Variants in CDKAL1 observed in about 807,000 individuals in gnomAD.
The protein encoded by CDKAL1 is CDKAL1 threonylcarbamoyladenosine tRNA methylthiotransferase.
In CDKAL1, 32 loss-of-function variants were observed where a neutral mutation model predicts 68.2. That is an observed-to-expected ratio of 0.47 (90% CI 0.35 to 0.63). The LOEUF (loss-of-function observed/expected upper bound fraction) is 0.63. Among genes scored for constraint, CDKAL1 ranks in the 30% least tolerant of loss-of-function variants. The pLI, the probability that CDKAL1 is intolerant of heterozygous loss-of-function variation, is 0.00. For synonymous variants in CDKAL1, 234 were observed against 244.3 expected, an observed-to-expected ratio of 0.96 and a Z score of 0.39; for missense variants, 606 against 696.7, an observed-to-expected ratio of 0.87 and a Z score of 1.47.
chr6:21,027,598 G>A (rs996946774), intron 11 of CDKAL1, among the ~76,000 whole-genome samples: 2 of 152,184 alleles, frequency 1.3e-5, no homozygotes, highest in African/African-American at 4.8e-5. Flanking sequence ...GAATGGGTTA[G>A]TTATCATGGG....
intron 10 of CDKAL1, among the ~76,000 whole-genome samples, chr6:20,984,813 G>A (rs113985703): frequency 9.1e-5 from 11 of 121,330 alleles, no homozygotes; most frequent in Admixed American, 3.2e-4. Context: ...CACAGTAACG[G>A]GGGGGGGTGG....
At position 21,001,854 on chromosome 6, in the gene CDKAL1, G is replaced by A. The variant is rs545798430; in HGVS notation, c.1055+1482G>A. Among the ~76,000 whole-genome samples, 4 of 152,256 alleles carry A rather than the reference G, an allele frequency of 2.6e-5. No individual in the cohort carries two copies. In the East Asian group the frequency reaches 7.7e-4, roughly 29 times the overall value. On this transcript the variant is annotated intron_variant, in intron 11 of 15. Transcript: ENST00000274695. ...ATTTCTTCCTTCTTTGCCTATTACA[G>A]CAGTAGCCAATAAAAACTTGATACT... is the stretch of plus-strand genomic sequence containing the variant.
chr6:21,011,969 T>C lies in CDKAL1; in HGVS notation c.1055+11597T>C, dbSNP rs897024278. Among the ~76,000 whole-genome samples the C allele has an allele frequency of 7.2e-5, 11 of 152,172 alleles. No homozygotes were observed. In the South Asian group the frequency reaches 1.7e-3, roughly 23 times the overall value. Reference sequence around the variant, plus strand: ...AAAAAAAAAGTTTATTTCTCAGTCATGTAAATGAAGTCCAGAGCCAGATGG... The same window carrying C: ...AAAAAAAAAGTTTATTTCTCAGTCACGTAAATGAAGTCCAGAGCCAGATGG... On this transcript the variant is annotated intron_variant, in intron 11 of 15. Transcript: ENST00000274695.
intron 10 of CDKAL1, among the ~76,000 whole-genome samples, chr6:20,960,650 A>T (rs1765008867): frequency 6.6e-6 from 1 of 152,250 alleles, no homozygotes; most frequent in Non-Finnish European, 1.5e-5. Context: ...GAATGATGTG[A>T]TAGCTCAAAG....
At chr6:20,944,540 T>A (rs1321650991) in intron 9 of CDKAL1, among the ~76,000 whole-genome samples, 2 of 152,138 alleles carry the variant, frequency 1.3e-5, no homozygotes, top group Non-Finnish European at 2.9e-5. Flanking sequence ...AGAGACAGGG[T>A]TTCCATGTTG....
intron 13 of CDKAL1, among the ~76,000 whole-genome samples, chr6:21,191,986 A>ATTTTTC (rs1778259852): frequency 1.3e-4 from 3 of 23,332 alleles, no homozygotes; most frequent in Admixed American, 9.4e-4. Context: ...TTTATAATTC[A>ATTTTTC]TTTTTCTTTT....
rs1267708684 is a variant in CDKAL1 at position 20,952,844 on chromosome 6, T to C, written c.743-2575T>C. On this transcript the variant is annotated intron_variant, in intron 9 of 15. Transcript: ENST00000274695. ...TTTCCAGGGAAAAGGATGTCAGGCA[T>C]GGGGATTCCACATTTAGCGTCACTT... 2.6e-5 allele frequency among the ~76,000 whole-genome samples: 4 copies of C among 152,374 alleles called. No individual in the cohort carries two copies. In the East Asian group the frequency reaches 5.8e-4, roughly 22 times the overall value.
intron 4 of CDKAL1, among the ~76,000 whole-genome samples, chr6:20,568,771 G>A (rs1185048900): frequency 5.5e-5 from 8 of 145,150 alleles, no homozygotes; most frequent in East Asian, 2.0e-4. Flanking sequence ...AAAAAACAAA[G>A]AAATGTGAGG....
At chr6:21,090,987 G>A (rs1772981328) in intron 12 of CDKAL1, among the ~76,000 whole-genome samples, 1 of 151,816 alleles carries the variant, frequency 6.6e-6, no homozygotes, top group Admixed American at 6.6e-5. Context: ...TGTAGAGACA[G>A]GGTCTTACAC....
At chr6:20,882,610 G>C (rs4612156) in intron 9 of CDKAL1, among the ~76,000 whole-genome samples, 110,630 of 152,142 alleles carry the variant, frequency 0.73, 40,463 homozygotes, top group East Asian at 0.8. Context: ...CATCCATATT[G>C]TTTCATGTTC....
intron 5 of CDKAL1, among the ~76,000 whole-genome samples, chr6:20,658,084 A>C (rs1287738448): frequency 2.6e-5 from 4 of 152,234 alleles, no homozygotes; most frequent in African/African-American, 9.6e-5. Context: ...TCAAATCAAA[A>C]AACTCCTTTG....
At position 21,200,633 on chromosome 6, in the gene CDKAL1, A is replaced by G. The variant is rs189947148; in HGVS notation, c.1384-477A>G. ...TCATTGCATGGAATAGCCAAAAGCAAGATATCAAAGGCCTGTCCAGAAGTG... is the reference window on the plus strand; with the variant it reads ...TCATTGCATGGAATAGCCAAAAGCAGGATATCAAAGGCCTGTCCAGAAGTG... On this transcript the variant is annotated intron_variant, in intron 14 of 15. Coordinates refer to ENST00000274695, the MANE Select transcript of CDKAL1 (RefSeq NM_017774.3). 5.2e-4 allele frequency among the ~76,000 whole-genome samples: 79 copies of G among 152,346 alleles called. 1 individual carries two copies. Among genetic ancestry groups the G allele is most frequent in the African/African-American group, 1.7e-3 (72 of 41,580 alleles).
At chr6:21,013,450 T>G (rs771555994) in intron 11 of CDKAL1, among the ~76,000 whole-genome samples, 3 of 152,300 alleles carry the variant, frequency 2.0e-5, no homozygotes, top group Admixed American at 6.5e-5. Context: ...AGGCATACAC[T>G]CCATAATAAT....
At chr6:20,746,555 A>G (rs1222311368) in intron 6 of CDKAL1, among the ~76,000 whole-genome samples, 1 of 152,132 alleles carries the variant, frequency 6.6e-6, no homozygotes, top group Non-Finnish European at 1.5e-5. Flanking sequence ...GCCCTCCTCC[A>G]TTACTATGTA....
At chr6:20,722,555 A>G in intron 5 of CDKAL1, 1 of 314,944 alleles carries the variant, frequency 3.2e-6, no homozygotes, top group Non-Finnish European at 6.1e-6. Flanking sequence ...TACCCTGGGC[A>G]CACATAGAAT....
At chr6:20,731,687 G>T (rs1323312675) in intron 5 of CDKAL1, among the ~76,000 whole-genome samples, 1 of 152,154 alleles carries the variant, frequency 6.6e-6, no homozygotes, top group African/African-American at 2.4e-5. Context: ...TAGAGAAGTG[G>T]AAACATGTGT....
At chr6:21,097,688 G>A (rs919585188) in intron 12 of CDKAL1, among the ~76,000 whole-genome samples, 3 of 152,058 alleles carry the variant, frequency 2.0e-5, no homozygotes, top group Admixed American at 6.5e-5. Context: ...TCATTCCCCC[G>A]TTCTCTATGG....
chr6:20,585,057 C>CT (rs11385529), intron 4 of CDKAL1, among the ~76,000 whole-genome samples: 43,627 of 131,548 alleles, frequency 0.33, 7,998 homozygotes, highest in Middle Eastern at 0.44. Context: ...AATCTTGTTT[C>CT]TTTTTTTTTT....
chr6:21,112,484 C>A (rs985712267), intron 13 of CDKAL1, among the ~76,000 whole-genome samples: 3 of 152,146 alleles, frequency 2.0e-5, no homozygotes, highest in African/African-American at 7.2e-5. Context: ...GTGAAGTGGG[C>A]TTCTTGCTTT....
Sources: gnomAD v4.1 joint callset for allele counts (sites outside exome capture counted in the v4.1 genomes callset) on GRCh38, gnomAD v4.1.1 for gene constraint, MANE v1.5 for transcripts, NCBI Gene and HGNC (gene_info 2026-07-23, HGNC 2026-07-21) for gene names.